Variants in ARNT observed in about 807,000 individuals in gnomAD.
The protein encoded by ARNT is aryl hydrocarbon receptor nuclear translocator.
Under a neutral mutation model 105.0 loss-of-function variants are expected in ARNT, and 30 were observed. The ratio of observed to expected loss-of-function variants is 0.29; its 90% CI spans 0.21 to 0.39. The LOEUF (loss-of-function observed/expected upper bound fraction) is 0.39. Ranked by LOEUF, ARNT falls within the 10% of genes least tolerant of loss-of-function variation. ARNT has a pLI of 1.00. For synonymous variants in ARNT, 304 were observed against 344.0 expected (o/e 0.88, Z 1.29); for missense variants, 748 against 978.7 (o/e 0.76, Z 3.15).
chr1:150,864,669 C>G (rs587612663), intron 1 of ARNT, among the ~76,000 whole-genome samples: 1,719 of 146,612 alleles, frequency 0.012, 27 homozygotes, highest in African/African-American at 0.041. Flanking sequence ...GCTAGATGAC[C>G]AGTTAGTGGG....
chr1:150,844,491 T>C (rs1178276852), intron 4 of ARNT, among the ~76,000 whole-genome samples: 1 of 152,204 alleles, frequency 6.6e-6, no homozygotes, highest in Non-Finnish European at 1.5e-5. Flanking sequence ...ATATTTCTAA[T>C]CTCTCTACAT....
At chr1:150,841,860 T>C (rs903514869) in intron 5 of ARNT, among the ~76,000 whole-genome samples, 2 of 152,216 alleles carry the variant, frequency 1.3e-5, no homozygotes, top group Non-Finnish European at 2.9e-5. Flanking sequence ...AGAAACCTGG[T>C]CTTTTAAATA....
intron 1 of ARNT, among the ~76,000 whole-genome samples, chr1:150,863,561 G>T (rs1026311925): frequency 4.6e-5 from 7 of 152,190 alleles, no homozygotes; most frequent in Non-Finnish European, 1.0e-4. Context: ...AGGCACAGTG[G>T]CTCACGCCTG....
chr1:150,829,284 T>C, intron 11 of ARNT, 57 bp from the exon 12 acceptor site: 2 of 1,544,378 alleles, frequency 1.3e-6, no homozygotes, highest in Non-Finnish European at 1.8e-6. Flanking sequence ...CAGATGTATT[T>C]CCTATCTCCT....
rs371585680 is a variant in ARNT, at chr1:150,811,494, TCTCA to T, written c.*523_*526del. 5.3e-5 allele frequency: 12 copies of T among 228,492 alleles called. No homozygotes were observed. The highest frequency in any genetic ancestry group is 2.5e-4 in the African/African-American group (11 of 43,480). 14.2% of individuals were successfully genotyped at this position (228,492 alleles called of 1,614,324 possible). On this transcript the variant is annotated 3_prime_UTR_variant, in exon 22 of 22. Coordinates refer to ENST00000358595, the MANE Select transcript of ARNT (RefSeq NM_001668.4). ...CACACACACATACACACACACTCTC[TCTCA>T]CTTACTCACATGTTTCTTTCCAGAG...
At position 150,876,540 on chromosome 1, in the gene ARNT, C is replaced by T. The variant is rs1384918315; in HGVS notation, c.25+3G>A. The T allele has an allele frequency of 8.4e-6, 13 of 1,551,108 alleles. No individual in the cohort carries two copies. The highest frequency in any genetic ancestry group is 1.1e-5 in the Non-Finnish European group (13 of 1,147,896). On this transcript the variant is annotated splice_donor_region_variant and intron_variant, in intron 1 of 21. Coordinates refer to ENST00000358595, the MANE Select transcript of ARNT (RefSeq NM_001668.4). ...GAGGCGCCCCAGTCCTCCGTCTCCT[C>T]ACCGGGGTTGGCAGTAGTCGCCGCC... is the stretch of plus-strand genomic sequence containing the variant.
chr1:150,855,435 G>A (rs1297363877), intron 2 of ARNT, among the ~76,000 whole-genome samples: 2 of 151,534 alleles, frequency 1.3e-5, no homozygotes, highest in Non-Finnish European at 2.9e-5. Flanking sequence ...GGTGGTGGAC[G>A]CCTGTAGTCC....
At chr1:150,851,564 C>A (rs1221803900) in intron 3 of ARNT, among the ~76,000 whole-genome samples, 1 of 152,274 alleles carries the variant, frequency 6.6e-6, no homozygotes, top group Non-Finnish European at 1.5e-5. Flanking sequence ...TTACCCCCAA[C>A]CCAGTGCTCT....
intron 14 of ARNT, chr1:150,818,272 T>G: frequency 2.5e-6 from 1 of 400,712 alleles, no homozygotes; most frequent in East Asian, 3.7e-5. Context: ...CTTCTAGGTA[T>G]TCAAAACCTG....
chr1:150,815,142 G>T (rs1015287143), intron 19 of ARNT, among the ~76,000 whole-genome samples: 1 of 151,872 alleles, frequency 6.6e-6, no homozygotes, highest in African/African-American at 2.4e-5. Flanking sequence ...CCTGCTTTTG[G>T]TTTTGACTTT....
intron 1 of ARNT, among the ~76,000 whole-genome samples, chr1:150,875,932 A>G (rs966953128): frequency 2.0e-5 from 3 of 152,184 alleles, no homozygotes; most frequent in Non-Finnish European, 4.4e-5. Flanking sequence ...AAAGACCTAC[A>G]GGCCCTCTTA....
chr1:150,819,461 T>A (rs1322773080), intron 14 of ARNT, among the ~76,000 whole-genome samples: 4 of 152,182 alleles, frequency 2.6e-5, no homozygotes, highest in Non-Finnish European at 5.9e-5. Flanking sequence ...CAGTTCCTTA[T>A]CCCTATTTTA....
chr1:150,875,891 A>G (rs1279159883), intron 1 of ARNT, among the ~76,000 whole-genome samples: 1 of 152,114 alleles, frequency 6.6e-6, no homozygotes, highest in Non-Finnish European at 1.5e-5. Context: ...CGGAACCATA[A>G]CCATTACACA....
At chr1:150,824,715 A>G (rs1352714610) in intron 13 of ARNT, among the ~76,000 whole-genome samples, 1 of 152,084 alleles carries the variant, frequency 6.6e-6, no homozygotes, top group Non-Finnish European at 1.5e-5. Flanking sequence ...TTGGCCTCCC[A>G]AAGTGCTGGG....
intron 21 of ARNT, 105 bp downstream of exon 21, chr1:150,813,067 C>G (rs1487084636): frequency 7.6e-6 from 10 of 1,322,850 alleles, no homozygotes; most frequent in Middle Eastern, 2.5e-4. Context: ...ACATATACCC[C>G]CAACCAAACA....
At chr1:150,850,184 G>A (rs1326703957) in intron 3 of ARNT, among the ~76,000 whole-genome samples, 2 of 152,054 alleles carry the variant, frequency 1.3e-5, no homozygotes, top group African/African-American at 4.8e-5. Flanking sequence ...TCAAGAGATC[G>A]AGACCATCCT....
chr1:150,876,434 G>A (rs1668273781), intron 1 of ARNT, 109 bp downstream of exon 1: 1 of 905,258 alleles, frequency 1.1e-6, no homozygotes, highest in Non-Finnish European at 1.4e-6. Flanking sequence ...CCCCCGCCCC[G>A]CCCCGGCGCC....
chr1:150,849,684 G>T (rs587600720), intron 3 of ARNT, among the ~76,000 whole-genome samples: 1 of 152,222 alleles, frequency 6.6e-6, no homozygotes, highest in South Asian at 2.1e-4. Context: ...GATCGCTTGA[G>T]CCCTGGAGTT....
rs1221158336 is a variant in ARNT at position 150,817,415 on chromosome 1, T to C, written c.1524A>G (p.Thr508=). 2 of 1,614,182 alleles carry C rather than the reference T, an allele frequency of 1.2e-6. No individual in the cohort carries two copies. Among genetic ancestry groups the C allele is most frequent in the East Asian group, 4.5e-5 (2 of 44,880 alleles). Residue 508 remains threonine, a synonymous_variant, in exon 16 of 22, where the codon ACA becomes ACG. Transcript: ENST00000358595. Reference sequence around the variant, plus strand: ...CTCTTCCTGGTACCATGTCCAATTCTGTTTGCTGTTGCTGCTGCCTATATG... The same window carrying C: ...CTCTTCCTGGTACCATGTCCAATTCCGTTTGCTGTTGCTGCTGCCTATATG... ...QLAPRQQQQQ[T]ELDMVPGRDG...
Sources: gnomAD v4.1 joint callset for allele counts (sites outside exome capture counted in the v4.1 genomes callset) on GRCh38, gnomAD v4.1.1 for gene constraint, MANE v1.5 for transcripts, NCBI Gene and HGNC (gene_info 2026-07-23, HGNC 2026-07-21) for gene names.